The following BMPR2 variants were observed in gnomAD, a reference collection of about 807,000 sequenced individuals.
BMPR2 encodes bone morphogenetic protein receptor type-2.
A neutral mutation model predicts 100.8 loss-of-function variants in BMPR2; 29 were observed. The ratio of observed to expected loss-of-function variants is 0.29; its 90% confidence interval spans 0.21 to 0.39. The LOEUF (loss-of-function observed/expected upper bound fraction) is 0.39. Among genes scored for constraint, BMPR2 ranks in the 10% least tolerant of loss-of-function variants. The pLI is 1.00. For missense variants in BMPR2, 1,011 were observed against 1,274.5 expected (o/e 0.79, Z 3.15); for synonymous variants, 382 against 442.3 (o/e 0.86, Z 1.71).
chr2:202,380,965 C>CTTTCT (rs1690275544), intron 1 of BMPR2, among the ~76,000 whole-genome samples: 1 of 70,780 alleles, frequency 1.4e-5, no homozygotes, highest in Non-Finnish European at 2.8e-5. Context: ...TTCTTTCTTT[C>CTTTCT]TTTTTTTTTT....
chr2:202,464,764 G>T, intron 1 of BMPR2, 45 bp from the exon 2 acceptor site: 1 of 1,534,570 alleles, frequency 6.5e-7, no homozygotes. Flanking sequence ...ATAATATTTT[G>T]AAAACATTAA....
chr2:202,471,596 T>A (rs1285188311), intron 3 of BMPR2, among the ~76,000 whole-genome samples: 1 of 151,962 alleles, frequency 6.6e-6, no homozygotes, highest in East Asian at 1.9e-4. Context: ...AAACCCCAAA[T>A]TAGGAATGTT....
At chr2:202,485,962 G>A (rs1426537029) in intron 3 of BMPR2, among the ~76,000 whole-genome samples, 1 of 151,928 alleles carries the variant, frequency 6.6e-6, no homozygotes, top group African/African-American at 2.4e-5. Context: ...GAGGGCAAGG[G>A]CAGTTCTCTA....
rs1688694364 is a variant in BMPR2 at position 202,562,662 on chromosome 2, T to A, written c.*2716T>A. ...CTAAAAATATTAAAATTTATTTCACTGGATGGTAATGTAACCTTAAAAGCA... is the reference window on the plus strand; with the variant it reads ...CTAAAAATATTAAAATTTATTTCACAGGATGGTAATGTAACCTTAAAAGCA... On this transcript the variant is annotated 3_prime_UTR_variant, in exon 13 of 13. Coordinates refer to ENST00000374580, the MANE Select transcript of BMPR2 (RefSeq NM_001204.7). 1 of 152,194 alleles carries A rather than the reference T, an allele frequency of 6.6e-6. No individual in the cohort carries two copies. The highest frequency in any genetic ancestry group is 1.5e-5 in the Non-Finnish European group (1 of 68,012). The allele number at this position is 152,194 out of a possible 1,614,324, so 9.4% of individuals were successfully genotyped here. A position where few individuals can be genotyped will look rare whatever the true frequency, so the allele number is the denominator to read the frequency against.
intron 3 of BMPR2, among the ~76,000 whole-genome samples, chr2:202,475,337 T>C (rs1035618435): frequency 1.3e-5 from 2 of 152,112 alleles, no homozygotes; most frequent in Non-Finnish European, 2.9e-5. Flanking sequence ...CCCGGCCACA[T>C]TTTTATACTT....
chr2:202,489,911 T>C (rs1216439230), intron 3 of BMPR2, among the ~76,000 whole-genome samples: 1 of 152,228 alleles, frequency 6.6e-6, no homozygotes, highest in East Asian at 1.9e-4. Flanking sequence ...CTAAGCTCAG[T>C]GGCTTTAACA....
chr2:202,378,302 C>T (rs1348220463), intron 1 of BMPR2, among the ~76,000 whole-genome samples: 2 of 152,086 alleles, frequency 1.3e-5, no homozygotes, highest in African/African-American at 2.4e-5. Context: ...TTCTCAGAAA[C>T]CTTAGGAAAA....
At chr2:202,485,125 C>G (rs966964260) in intron 3 of BMPR2, among the ~76,000 whole-genome samples, 4 of 151,986 alleles carry the variant, frequency 2.6e-5, no homozygotes, top group African/African-American at 9.7e-5. Flanking sequence ...CTGCGCCCAG[C>G]CAATGCCCTA....
At chr2:202,553,027 C>A in intron 11 of BMPR2, 139 bp downstream of exon 11, 2 of 1,160,066 alleles carry the variant, frequency 1.7e-6, no homozygotes, top group Non-Finnish European at 1.2e-6. Context: ...ATTTTTCTTT[C>A]AATATTCCTA....
At chr2:202,403,096 G>A (rs1042821318) in intron 1 of BMPR2, among the ~76,000 whole-genome samples, 4 of 151,916 alleles carry the variant, frequency 2.6e-5, no homozygotes, top group East Asian at 1.9e-4. Context: ...CCAAAGTGCC[G>A]GGATTACAGG....
chr2:202,448,927 GT>G (rs1691915056), intron 1 of BMPR2, among the ~76,000 whole-genome samples: 3 of 63,772 alleles, frequency 4.7e-5, no homozygotes, highest in Non-Finnish European at 1.1e-4. Flanking sequence ...TAGAATTGGT[GT>G]GTGTGTGTGT....
chr2:202,462,735 G>A (rs1692248535), intron 1 of BMPR2, among the ~76,000 whole-genome samples: 1 of 149,518 alleles, frequency 6.7e-6, no homozygotes, highest in Admixed American at 6.7e-5. Flanking sequence ...TTTTTGAGAT[G>A]GAGCTTTGCT....
chr2:202,446,093 G>C lies in BMPR2; in HGVS notation c.77-18716G>C, dbSNP rs1162235134. ...CCGGCCACAAACAATTTTATACAAA[G>C]AATTTGAAATTTGAAAATTAACACA... On this transcript the variant is annotated intron_variant, in intron 1 of 12. Transcript: ENST00000374580. Among the ~76,000 whole-genome samples, 2 of 150,418 alleles carry C rather than the reference G, an allele frequency of 1.3e-5. 1 individual carries two copies. The highest frequency in any genetic ancestry group is 5.0e-5 in the African/African-American group (2 of 39,880).
intron 1 of BMPR2, among the ~76,000 whole-genome samples, chr2:202,380,811 G>A (rs1485565618): frequency 1.3e-5 from 2 of 151,494 alleles, no homozygotes; most frequent in African/African-American, 2.4e-5. Context: ...TAGAGACAGG[G>A]TTTCTCCATG....
chr2:202,474,646 G>A (rs1692505636), intron 3 of BMPR2: 2 of 152,170 alleles, frequency 1.3e-5, no homozygotes, highest in African/African-American at 4.8e-5. Context: ...AGCCTCCTGA[G>A]TAGCTGGGAC....
In BMPR2 at chr2:202,562,829, T is replaced by TA. The variant is rs1688697570; in HGVS notation, c.*2885dup. The TA allele has an allele frequency of 1.4e-5, 2 of 147,834 alleles. No homozygotes were observed. The highest frequency in any genetic ancestry group is 1.4e-4 in the Admixed American group (2 of 14,752). 9.2% of individuals were successfully genotyped at this position (147,834 alleles called of 1,614,324 possible). On this transcript the variant is annotated 3_prime_UTR_variant, in exon 13 of 13. Transcript: ENST00000374580. ...AAATTCTTAAAACTTTCTAAATGCA[T>TA]AATTGGCAAAAAAAAAAACCCACTG...
chr2:202,515,217 T>A (rs951576422), intron 5 of BMPR2, among the ~76,000 whole-genome samples: 1 of 151,988 alleles, frequency 6.6e-6, no homozygotes, highest in Non-Finnish European at 1.5e-5. Context: ...TAATTGCAAG[T>A]AGTAGTAAGT....
At chr2:202,544,668 T>G (rs1688341234) in intron 10 of BMPR2, among the ~76,000 whole-genome samples, 1 of 152,070 alleles carries the variant, frequency 6.6e-6, no homozygotes, top group Non-Finnish European at 1.5e-5. Flanking sequence ...GCATGGATCT[T>G]TACACACATT....
intron 10 of BMPR2, 93 bp from the exon 11 acceptor site, chr2:202,552,623 T>C (rs1688499931): frequency 1.5e-6 from 2 of 1,320,280 alleles, no homozygotes; most frequent in Non-Finnish European, 1.1e-6. Flanking sequence ...GTTAAGGTAA[T>C]TGATTTTTCT....
Sources: allele counts gnomAD v4.1 joint callset (sites outside exome capture counted in the v4.1 genomes callset), GRCh38; gene constraint gnomAD v4.1.1; transcripts MANE v1.5; gene names NCBI Gene and HGNC (gene_info 2026-07-23, HGNC 2026-07-21).